Variants in SETD5 observed in about 807,000 individuals in gnomAD.
SETD5 encodes the protein SET domain containing 5, also known as histone-lysine N-methyltransferase SETD5.
In SETD5, 44 loss-of-function variants were observed where a neutral mutation model predicts 153.3. The ratio of observed to expected loss-of-function variants is 0.29; its 90% confidence interval spans 0.23 to 0.37. The LOEUF (loss-of-function observed/expected upper bound fraction) is 0.37, where lower values mean the gene tolerates loss of function less well. Ranked by LOEUF, SETD5 falls within the 10% of genes least tolerant of loss-of-function variation. The pLI, the probability that SETD5 is intolerant of heterozygous loss-of-function variation, is 1.00. For synonymous variants in SETD5, 716 were observed against 645.2 expected (o/e 1.11, Z -1.66); for missense variants, 1,544 against 1,768.0 (o/e 0.87, Z 2.27).
intron 1 of SETD5, among the ~76,000 whole-genome samples, chr3:9,420,725 C>T (rs1320547372): frequency 2.0e-5 from 3 of 152,042 alleles, no homozygotes; most frequent in Admixed American, 2.0e-4. Context: ...TTTACTGTTC[C>T]AAATACATGA....
At chr3:9,441,795 T>C (rs2041323549) in intron 9 of SETD5, 54 bp downstream of exon 9, 1 of 1,606,446 alleles carries the variant, frequency 6.2e-7, no homozygotes. Flanking sequence ...GGTTGACCAG[T>C]GTTGTTGTAA....
chr3:9,436,661 A>G lies in SETD5; in HGVS notation c.567+755A>G, dbSNP rs76710171. Among the ~76,000 whole-genome samples, 25 of 152,314 alleles carry G rather than the reference A, an allele frequency of 1.6e-4. No individual in the cohort carries two copies. The East Asian group carries it at 3.7e-3, about 22-fold the overall frequency. On this transcript the variant is annotated intron_variant, in intron 7 of 22. Transcript: ENST00000402198. ...AGTAGAAAGTATTAAAATTAGTCTCAGAGTTCATTGGCCTTGAGCTACCCC... is the reference window on the plus strand; with the variant it reads ...AGTAGAAAGTATTAAAATTAGTCTCGGAGTTCATTGGCCTTGAGCTACCCC...
Position 9,434,402 on chromosome 3 carries a change from G to A in SETD5, c.246G>A (p.Pro82=), listed in dbSNP as rs772584176. 27 of 1,613,826 alleles carry A rather than the reference G, an allele frequency of 1.7e-5. No homozygotes were observed. The highest frequency in any genetic ancestry group is 1.6e-4 in the Middle Eastern group (1 of 6,084). Residue 82 remains proline (P), a synonymous_variant, in exon 5 of 23, where the codon CCG becomes CCA. Coordinates refer to ENST00000402198, the MANE Select transcript of SETD5 (RefSeq NM_001080517.3). The surrounding 1 kb of genome is among the most constrained non-coding windows in gnomAD (Gnocchi z 5.6). ...TAGAGGAACGCTGTGGAGACAGCCC[G>A]AACTCTGAAGGAGAAACTGTACCTA... ...SPVEERCGDS[P]NSEGETVPTW...
At position 9,442,125 on chromosome 3, in the gene SETD5, T is replaced by C. The variant is rs1458996920; in HGVS notation, c.960-3T>C. The C allele has an allele frequency of 6.3e-7, 1 of 1,595,980 alleles. No homozygotes were observed. The highest frequency in any genetic ancestry group is 1.7e-5 in the Admixed American group (1 of 59,700). ...ATTACAGGAATTTTAATTGTATCCC[T>C]AGACCATACCCCTTTGTGCTCTTCT... On this transcript the variant is annotated splice_polypyrimidine_tract_variant and splice_region_variant and intron_variant, in intron 9 of 22. Transcript: ENST00000402198.
chr3:9,403,816 TTTGAAA>T (rs2035223198), intron 1 of SETD5, among the ~76,000 whole-genome samples: 1 of 152,224 alleles, frequency 6.6e-6, no homozygotes, highest in Admixed American at 6.5e-5. Flanking sequence ...AATGAAATAT[TTTGAAA>T]TTTGGGTCCC....
intron 7 of SETD5, among the ~76,000 whole-genome samples, chr3:9,438,449 C>G (rs964747611): frequency 6.6e-6 from 1 of 152,150 alleles, no homozygotes; most frequent in African/African-American, 2.4e-5. Context: ...CTGGCTCTAC[C>G]AGAAAACTGC....
intron 1 of SETD5, among the ~76,000 whole-genome samples, chr3:9,409,387 G>A (rs749654260): frequency 2.0e-5 from 3 of 152,112 alleles, no homozygotes; most frequent in Non-Finnish European, 2.9e-5. Flanking sequence ...ATCTAAAGAC[G>A]TGAATGAAGT....
intron 1 of SETD5, among the ~76,000 whole-genome samples, chr3:9,399,117 A>G (rs1221550569): frequency 6.6e-6 from 1 of 152,168 alleles, no homozygotes; most frequent in Non-Finnish European, 1.5e-5. Flanking sequence ...AATTACCTTC[A>G]TCAGTTGACT....
intron 18 of SETD5, 37 bp from the exon 19 acceptor site, chr3:9,470,422 C>T (rs1178537854): frequency 6.5e-7 from 1 of 1,541,734 alleles, no homozygotes; most frequent in Non-Finnish European, 8.9e-7. Context: ...TTCCTTTCTC[C>T]CCTACCCCAT....
chr3:9,409,248 C>A (rs558445943), intron 1 of SETD5, among the ~76,000 whole-genome samples: 37 of 152,020 alleles, frequency 2.4e-4, no homozygotes, highest in African/African-American at 8.5e-4. Context: ...ATTTATTGTC[C>A]GGAATACTCA....
rs1390063359 is a variant in SETD5, at chr3:9,434,535, T to A, written c.329+50T>A. The A allele has an allele frequency of 1.9e-5, 31 of 1,610,042 alleles. No individual in the cohort carries two copies. The highest frequency in any genetic ancestry group is 2.6e-5 in the Non-Finnish European group (31 of 1,177,710). ...TAAGTCTGGGTTGCTGGGATTAGGG[T>A]TTCTTACAAGTAGGGAAAAGCTCAA... is the stretch of plus-strand genomic sequence containing the variant. On this transcript the variant is annotated intron_variant, in intron 5 of 22. Transcript: ENST00000402198. This position sits in a 1 kb window ranked among gnomAD's most constrained non-coding sequence, Gnocchi z 5.6.
intron 1 of SETD5, among the ~76,000 whole-genome samples, chr3:9,422,185 C>A (rs144220944): frequency 6.6e-6 from 1 of 152,080 alleles, no homozygotes; most frequent in African/African-American, 2.4e-5. Context: ...ATTAGTAAAT[C>A]GTGGCTAATA....
chr3:9,476,306 GT>G lies in SETD5; in HGVS notation c.*218del, dbSNP rs1264774667. On this transcript the variant is annotated 3_prime_UTR_variant, in exon 23 of 23. Coordinates refer to ENST00000402198, the MANE Select transcript of SETD5 (RefSeq NM_001080517.3). Reference sequence around the variant, plus strand: ...TGTCTGAAGCAGAGACTATAAAGAAGTTTCTCCCTGCTGTCAAGGGTACATT... The same window carrying G: ...TGTCTGAAGCAGAGACTATAAAGAAGTTCTCCCTGCTGTCAAGGGTACATT... The G allele has an allele frequency of 1.6e-6, 1 of 613,036 alleles. No homozygotes were observed. The highest frequency in any genetic ancestry group is 1.8e-5 in the African/African-American group (1 of 54,226). 38.0% of individuals were successfully genotyped at this position (613,036 alleles called of 1,614,324 possible).
At chr3:9,459,755 G>C (rs117341922) in intron 17 of SETD5, among the ~76,000 whole-genome samples, 2 of 149,926 alleles carry the variant, frequency 1.3e-5, no homozygotes, top group Non-Finnish European at 3.0e-5. Flanking sequence ...AAGAATATAC[G>C]ATGACTAAGG....
intron 17 of SETD5, among the ~76,000 whole-genome samples, chr3:9,456,256 A>G (rs962949077): frequency 6.6e-6 from 1 of 152,054 alleles, no homozygotes. Flanking sequence ...TGGGCGGATC[A>G]TCTGAGGTCA....
chr3:9,404,731 T>C (rs1238630470), intron 1 of SETD5, among the ~76,000 whole-genome samples: 1 of 152,210 alleles, frequency 6.6e-6, no homozygotes, highest in Non-Finnish European at 1.5e-5. Flanking sequence ...CTTCCATTGC[T>C]CCTATTACCT....
intron 3 of SETD5, chr3:9,431,895 A>G: frequency 1.1e-5 from 2 of 175,666 alleles, no homozygotes; most frequent in Non-Finnish European, 2.2e-5. Context: ...GTTCAGTGGT[A>G]CAAAACCTAT....
rs1160123997 is a variant in SETD5 at position 9,413,649 on chromosome 3, GGTGTGT to G, written c.-176-10787_-176-10782del. Among the ~76,000 whole-genome samples, 605 of 140,444 alleles carry G rather than the reference GGTGTGT, an allele frequency of 4.3e-3. 4 individuals carry two copies. The highest frequency in any genetic ancestry group is 0.014 in the African/African-American group (505 of 37,330). 92.1% of individuals were successfully genotyped at this position (140,444 alleles called of 152,430 possible). ...AGCTTCTTCGGGTGGGGGGAGGCGG[GGTGTGT>G]GTGTGTGTGTGTGTGTGTGTGTGTG... On this transcript the variant is annotated intron_variant, in intron 1 of 22. Coordinates refer to ENST00000402198, the MANE Select transcript of SETD5 (RefSeq NM_001080517.3).
intron 22 of SETD5, 73 bp downstream of exon 22, chr3:9,475,229 G>A: frequency 7.2e-7 from 1 of 1,393,712 alleles, no homozygotes; most frequent in Non-Finnish European, 9.9e-7. Flanking sequence ...GTCATCCTTT[G>A]CCATTGAGAT....
Sources: allele counts gnomAD v4.1 joint callset (sites outside exome capture counted in the v4.1 genomes callset), GRCh38; gene constraint gnomAD v4.1.1; non-coding constraint Gnocchi (gnomAD v3.1); transcripts MANE v1.5; gene names NCBI Gene and HGNC (gene_info 2026-07-23, HGNC 2026-07-21).